NBEAL1: variants seen among roughly 807,000 people sequenced by gnomAD.
NBEAL1 encodes the protein neurobeachin like 1, also known as neurobeachin-like protein 1.
A neutral mutation model predicts 351.3 loss-of-function variants in NBEAL1; 273 were observed. That is an observed-to-expected ratio of 0.78 (90% CI 0.70 to 0.86). The LOEUF is 0.86. Ranked by LOEUF, NBEAL1 falls within the 40% of genes least tolerant of loss-of-function variation. The pLI is 0.00. For missense variants in NBEAL1, 2,961 were observed against 3,201.3 expected, an observed-to-expected ratio of 0.92 and a Z score of 1.81; for synonymous variants, 1,050 against 1,086.4, an observed-to-expected ratio of 0.97 and a Z score of 0.66.
chr2:203,169,950 C>T, intron 39 of NBEAL1, 99 bp downstream of exon 39: 2 of 743,268 alleles, frequency 2.7e-6, no homozygotes, highest in Middle Eastern at 2.4e-4. Flanking sequence ...AACTGCTGTT[C>T]TTCCATTCAG....
intron 46 of NBEAL1, among the ~76,000 whole-genome samples, chr2:203,192,405 A>G (rs2065117572): frequency 6.8e-6 from 1 of 147,460 alleles, no homozygotes. Context: ...TTTTTTTGAG[A>G]GGGAGTTTTG....
At chr2:203,137,542 CTAATT>C (rs765749211) in intron 29 of NBEAL1, among the ~76,000 whole-genome samples, 3 of 152,204 alleles carry the variant, frequency 2.0e-5, no homozygotes, top group Non-Finnish European at 2.9e-5. Context: ...TTTAAAGAAA[CTAATT>C]TAAGTATCTC....
chr2:203,081,997 A>G lies in NBEAL1; in HGVS notation c.685-1222A>G, dbSNP rs142575518. Among the ~76,000 whole-genome samples the G allele has an allele frequency of 3.7e-3, 558 of 152,330 alleles. 4 individuals carry two copies. The highest frequency in any genetic ancestry group is 0.013 in the African/African-American group (528 of 41,574). ...TGCACACCTGTGGTCCCAGCTACTC[A>G]GGAGGCCAAAGCCTGAATAGTTGAG... On this transcript the variant is annotated intron_variant, in intron 8 of 55. Transcript: ENST00000683969.
At chr2:203,105,560 A>C (rs10497870) in intron 12 of NBEAL1, among the ~76,000 whole-genome samples, 1 of 151,892 alleles carries the variant, frequency 6.6e-6, no homozygotes, top group East Asian at 1.9e-4. Context: ...TGTATCTCCA[A>C]GTTTTAAAAT....
intron 6 of NBEAL1, among the ~76,000 whole-genome samples, chr2:203,061,121 T>C (rs1236450069): frequency 6.6e-6 from 1 of 152,194 alleles, no homozygotes; most frequent in African/African-American, 2.4e-5. Context: ...CAAGGAAAAA[T>C]GGAAAAACTG....
intron 42 of NBEAL1, 116 bp from the exon 43 acceptor site, chr2:203,180,266 T>C (rs1393917169): frequency 3.7e-6 from 3 of 818,190 alleles, no homozygotes; most frequent in Non-Finnish European, 5.7e-6. Context: ...AAAGAGGAGA[T>C]TCAGAAAACA....
chr2:203,182,968 T>C lies in NBEAL1; in HGVS notation c.6596-311T>C, dbSNP rs566990085. 2.3e-5 allele frequency: 4 copies of C among 177,306 alleles called. No individual in the cohort carries two copies. The East Asian group carries it at 6.2e-4, about 27-fold the overall frequency. The allele number at this position is 177,306 out of a possible 1,614,324, so 11.0% of individuals were successfully genotyped here. A position where few individuals can be genotyped will look rare whatever the true frequency, so the allele number is the denominator to read the frequency against. Reference sequence around the variant, plus strand: ...GTATTTTACTATTAGAGGGACTGTGTCCCTCTCATTATTTTAAGTGTAAGA... The same window carrying C: ...GTATTTTACTATTAGAGGGACTGTGCCCCTCTCATTATTTTAAGTGTAAGA... On this transcript the variant is annotated intron_variant, in intron 43 of 55. Coordinates refer to ENST00000683969, the MANE Select transcript of NBEAL1 (RefSeq NM_001378026.1).
At position 203,213,723 on chromosome 2, in the gene NBEAL1, C is replaced by G. The variant is rs573881530; in HGVS notation, c.8070+70C>G. The stretch of plus-strand genomic sequence containing the variant: ...TTACTTTGGTTCTCCTTCATTCCAA[C>G]TGATTGAGAAGTCACCATTAGGGAT... On this transcript the variant is annotated intron_variant, in intron 55 of 55. Coordinates refer to ENST00000683969, the MANE Select transcript of NBEAL1 (RefSeq NM_001378026.1). 13 of 1,593,978 alleles carry G rather than the reference C, an allele frequency of 8.2e-6. No individual in the cohort carries two copies. The African/African-American group carries it at 1.4e-4, about 17-fold the overall frequency.
At chr2:203,056,372 C>A in intron 4 of NBEAL1, 55 bp from the exon 5 acceptor site, 2 of 915,880 alleles carry the variant, frequency 2.2e-6, no homozygotes, top group Non-Finnish European at 1.8e-6. Context: ...AATTCATGAA[C>A]ATATGTTTTG....
At chr2:203,155,170 C>T (rs781685815) in intron 35 of NBEAL1, among the ~76,000 whole-genome samples, 93 of 151,294 alleles carry the variant, frequency 6.1e-4, no homozygotes, top group Non-Finnish European at 1.2e-3. Context: ...ATTGCTTGAG[C>T]CCAGGAGATT....
intron 29 of NBEAL1, among the ~76,000 whole-genome samples, 157 bp from the exon 30 acceptor site, chr2:203,138,005 A>AAAAG (rs757142617): frequency 6.6e-6 from 1 of 151,232 alleles, no homozygotes. Flanking sequence ...AAAAAAAAAA[A>AAAAG]TTCAATTTCC....
chr2:203,021,617 A>G (rs527354892), intron 2 of NBEAL1, among the ~76,000 whole-genome samples: 2 of 152,002 alleles, frequency 1.3e-5, no homozygotes, highest in South Asian at 2.1e-4. Flanking sequence ...TAGTTTATAT[A>G]TATGTAGTAG....
chr2:203,073,253 C>T (rs1302317273), intron 7 of NBEAL1, among the ~76,000 whole-genome samples: 1 of 152,150 alleles, frequency 6.6e-6, no homozygotes, highest in Non-Finnish European at 1.5e-5. Flanking sequence ...TAAAGGGCTA[C>T]TCAGATTTTC....
intron 42 of NBEAL1, among the ~76,000 whole-genome samples, chr2:203,178,043 A>T (rs948783213): frequency 6.6e-6 from 1 of 151,854 alleles, no homozygotes; most frequent in Non-Finnish European, 1.5e-5. Context: ...AAAAAGTTAA[A>T]TATAGAATTG....
rs141731248 is a variant in NBEAL1, at chr2:203,131,545, A to G, written c.3565-428A>G. On this transcript the variant is annotated intron_variant, in intron 25 of 55. Transcript: ENST00000683969. ...TTATTCTTAAATCCATTTTTACATT[A>G]TACTATAATAGGGAGTGCCTATTCT... 3.2e-4 allele frequency among the ~76,000 whole-genome samples: 49 copies of G among 152,272 alleles called. No homozygotes were observed. The East Asian group carries it at 6.0e-3, about 19-fold the overall frequency.
At chr2:203,144,944 T>C (rs765643971) in intron 32 of NBEAL1, 39 bp downstream of exon 32, 2 of 1,521,262 alleles carry the variant, frequency 1.3e-6, no homozygotes, top group African/African-American at 1.4e-5. Context: ...TTTCTGCTAA[T>C]TTACCATTTT....
chr2:203,072,191 G>A (rs1336977438), intron 7 of NBEAL1, among the ~76,000 whole-genome samples: 1 of 152,152 alleles, frequency 6.6e-6, no homozygotes, highest in Non-Finnish European at 1.5e-5. Flanking sequence ...TAGCTTTATG[G>A]TCTGATCTAT....
At chr2:203,057,110 T>G (rs1368004691) in intron 5 of NBEAL1, among the ~76,000 whole-genome samples, 2 of 152,204 alleles carry the variant, frequency 1.3e-5, no homozygotes, top group Non-Finnish European at 2.9e-5. Context: ...TCACATATCC[T>G]TCTTACTGAA....
chr2:203,057,324 A>T lies in NBEAL1; in HGVS notation c.388-2A>T. 1.3e-6 allele frequency: 2 copies of T among 1,546,614 alleles called. No individual in the cohort carries two copies. The highest frequency in any genetic ancestry group is 1.7e-6 in the Non-Finnish European group (2 of 1,143,850). On this transcript the variant is annotated splice_acceptor_variant, in intron 5 of 55. Coordinates refer to ENST00000683969, the MANE Select transcript of NBEAL1 (RefSeq NM_001378026.1). LOFTEE classifies it high-confidence loss of function. ...TTAATTTATGTTTAACTTTGTTCTC[A>T]GTTAAAAAGCAAAAAAAAAGAGAAG...
Sources: gnomAD v4.1 joint callset for allele counts (sites outside exome capture counted in the v4.1 genomes callset) on GRCh38, gnomAD v4.1.1 for gene constraint, MANE v1.5 for transcripts, NCBI Gene and HGNC (gene_info 2026-07-23, HGNC 2026-07-21) for gene names.